The following CSNK2A2IP variants were observed in gnomAD, a reference collection of about 807,000 sequenced individuals.
The protein encoded by CSNK2A2IP is casein kinase II subunit alpha'-interacting protein.
the CSNK2A2IP span, among the ~76,000 whole-genome samples, chr3:88,396,930 G>C: frequency 6.6e-6 from 1 of 152,084 alleles, no homozygotes; most frequent in African/African-American, 2.4e-5. Flanking sequence ...AGGTAATTTA[G>C]AGAAAAAATA....
the CSNK2A2IP span, among the ~76,000 whole-genome samples, chr3:88,410,444 C>G: frequency 6.6e-6 from 1 of 151,892 alleles, no homozygotes; most frequent in African/African-American, 2.4e-5. Context: ...CATTTGTTGC[C>G]GTGTGAACCA....
chr3:88,463,402 C>T, the CSNK2A2IP span, among the ~76,000 whole-genome samples: 3 of 152,252 alleles, frequency 2.0e-5, no homozygotes, highest in African/African-American at 7.2e-5. Flanking sequence ...ATGCTTGTAT[C>T]ACTTTAGGCC....
the CSNK2A2IP span, among the ~76,000 whole-genome samples, chr3:88,449,507 T>C: frequency 2.0e-5 from 3 of 151,866 alleles, no homozygotes; most frequent in Non-Finnish European, 4.4e-5. Flanking sequence ...TTAGGAAAAA[T>C]GAAAAAAATT....
chr3:88,407,819 G>A, the CSNK2A2IP span, among the ~76,000 whole-genome samples: 2 of 151,964 alleles, frequency 1.3e-5, no homozygotes, highest in African/African-American at 4.8e-5. Flanking sequence ...CGCCTCCCAG[G>A]TTCAAGTAAT....
At chr3:88,358,839 G>T in the CSNK2A2IP span, among the ~76,000 whole-genome samples, 5 of 152,056 alleles carry the variant, frequency 3.3e-5, no homozygotes, top group African/African-American at 1.2e-4. Flanking sequence ...GGTAATTCTA[G>T]CTTTGTAGAA....
At chr3:88,446,252 C>A in the CSNK2A2IP span, among the ~76,000 whole-genome samples, 2 of 152,098 alleles carry the variant, frequency 1.3e-5, no homozygotes, top group South Asian at 2.1e-4. Flanking sequence ...CTACGCCCAG[C>A]TAATTTTTTG....
At chr3:88,465,831 A>G in the CSNK2A2IP span, 5 of 1,231,672 alleles carry the variant, frequency 4.1e-6, no homozygotes, top group Non-Finnish European at 4.0e-6. Flanking sequence ...GTAAACCTCA[A>G]ACAACATCTT....
At chr3:88,444,609 A>G in the CSNK2A2IP span, among the ~76,000 whole-genome samples, 2 of 152,370 alleles carry the variant, frequency 1.3e-5, no homozygotes, top group East Asian at 3.9e-4. Context: ...ACTGTGATCC[A>G]GAAATGTTAT....
At chr3:88,464,924 A>T in the CSNK2A2IP span, among the ~76,000 whole-genome samples, 437 of 152,298 alleles carry the variant, frequency 2.9e-3, 2 homozygotes, top group African/African-American at 9.8e-3. Flanking sequence ...TTTTGAAAGT[A>T]TAATTCAAAA....
the CSNK2A2IP span, chr3:88,466,907 T>C: frequency 8.1e-6 from 10 of 1,230,266 alleles, no homozygotes; most frequent in African/African-American, 1.4e-4. Context: ...AAAATAGAAG[T>C]GAAATTAGTT....
the CSNK2A2IP span, among the ~76,000 whole-genome samples, chr3:88,360,598 TC>T: frequency 2.0e-5 from 3 of 152,160 alleles, no homozygotes; most frequent in Non-Finnish European, 4.4e-5. Flanking sequence ...TGTAGTCGGA[TC>T]TTGTTTTCTT....
the CSNK2A2IP span, among the ~76,000 whole-genome samples, chr3:88,347,930 A>G: frequency 1.3e-5 from 2 of 151,874 alleles, no homozygotes; most frequent in Non-Finnish European, 2.9e-5. Flanking sequence ...TATTCTTAGT[A>G]TTTTGTTCCT....
chr3:88,367,129 A>G, the CSNK2A2IP span, among the ~76,000 whole-genome samples: 1 of 152,110 alleles, frequency 6.6e-6, no homozygotes, highest in East Asian at 1.9e-4. Flanking sequence ...GGCATAATCA[A>G]TATTGTAAGT....
At chr3:88,467,009 A>G in the CSNK2A2IP span, 1 of 1,207,800 alleles carries the variant, frequency 8.3e-7, no homozygotes, top group Non-Finnish European at 1.0e-6. Context: ...GACAACCTTG[A>G]AGGAGTAGAG....
chr3:88,419,621 C>G, the CSNK2A2IP span, among the ~76,000 whole-genome samples: 12 of 152,130 alleles, frequency 7.9e-5, no homozygotes, highest in Admixed American at 7.9e-4. Flanking sequence ...GATATATACT[C>G]AGTAATGGGA....
chr3:88,386,574 C>A, the CSNK2A2IP span, among the ~76,000 whole-genome samples: 30 of 152,056 alleles, frequency 2.0e-4, no homozygotes, highest in Non-Finnish European at 4.1e-4. Flanking sequence ...CAAACTTGTT[C>A]TCTAAATTAG....
At chr3:88,419,643 A>G in the CSNK2A2IP span, among the ~76,000 whole-genome samples, 25 of 152,064 alleles carry the variant, frequency 1.6e-4, no homozygotes, top group East Asian at 9.7e-4. Flanking sequence ...TGCTGGGTTG[A>G]CTGGTAGTTC....
chr3:88,443,974 T>A, the CSNK2A2IP span, among the ~76,000 whole-genome samples: 1 of 152,176 alleles, frequency 6.6e-6, no homozygotes, highest in African/African-American at 2.4e-5. Flanking sequence ...TAAATTTTTT[T>A]CTTTTTATTA....
chr3:88,442,564 A>G, the CSNK2A2IP span, among the ~76,000 whole-genome samples: 1 of 152,116 alleles, frequency 6.6e-6, no homozygotes, highest in Non-Finnish European at 1.5e-5. Context: ...TCATGTATGC[A>G]TTATTGAACA....
Sources: gnomAD v4.1 joint callset for allele counts (sites outside exome capture counted in the v4.1 genomes callset) on GRCh38, gnomAD v4.1.1 for gene constraint, MANE v1.5 for transcripts, NCBI Gene and HGNC (gene_info 2026-07-23, HGNC 2026-07-21) for gene names.